Variants in CALD1 observed in about 807,000 individuals in gnomAD.
CALD1 encodes the protein caldesmon 1.
Under a neutral mutation model 99.9 loss-of-function variants are expected in CALD1, and 33 were observed. The ratio of observed to expected loss-of-function variants is 0.33; its 90% CI spans 0.25 to 0.44. The LOEUF is 0.44. CALD1 is among the 20% of genes least tolerant of loss of function. CALD1 has a pLI of 1.00. For missense variants in CALD1, 861 were observed against 962.1 expected (o/e 0.89, Z 1.39); for synonymous variants, 310 against 325.0 (o/e 0.95, Z 0.50).
At chr7:134,794,292 C>G (rs546722025) in intron 1 of CALD1, among the ~76,000 whole-genome samples, 4 of 152,136 alleles carry the variant, frequency 2.6e-5, no homozygotes, top group East Asian at 1.9e-4. Flanking sequence ...TAGGCTCGCA[C>G]GGGATGCATT....
At position 134,935,689 on chromosome 7, in the gene CALD1, G is replaced by A. The variant is rs1250962957; in HGVS notation, c.1310G>A (p.Gly437Glu). Residue 437 changes from glycine to glutamate, a missense_variant and splice_region_variant, in exon 6 of 15, where the codon GGA (glycine) becomes GAA (glutamate). By Grantham distance (98) the Gly-to-Glu change is moderately conservative. This residue lies in a region of CALD1 where 293 missense variants were observed against 262.7 expected (regional missense o/e 1.12). Coordinates refer to ENST00000361675, the MANE Select transcript of CALD1 (RefSeq NM_033138.4). ...CTTACCATTCTTGAAAATAAAAAGG[G>A]AGAAGAGAAGGGAACTAAAGTGCAA... is the stretch of plus-strand genomic sequence containing the variant. ...KLQTAVLKKQ[G>E]EEKGTKVQAK... 15 of 1,604,108 alleles carry A rather than the reference G, an allele frequency of 9.4e-6. No individual in the cohort carries two copies. Among genetic ancestry groups the A allele is most frequent in the Non-Finnish European group, 1.3e-5 (15 of 1,175,832 alleles).
chr7:134,957,600 T>C lies in CALD1; in HGVS notation c.1936-469T>C, dbSNP rs181266913. 2.2e-3 allele frequency among the ~76,000 whole-genome samples: 338 copies of C among 152,228 alleles called. 7 individuals carry two copies. Among genetic ancestry groups the C allele is most frequent in the Admixed American group, 0.021 (316 of 15,296 alleles). Reference sequence around the variant, plus strand: ...ACACCCAGCTACTTTTTGTATTTTTTAGTAGAGATAGGGTTTCACCATGTT... The same window carrying C: ...ACACCCAGCTACTTTTTGTATTTTTCAGTAGAGATAGGGTTTCACCATGTT... On this transcript the variant is annotated intron_variant, in intron 9 of 14. Transcript: ENST00000361675.
intron 6 of CALD1, among the ~76,000 whole-genome samples, chr7:134,938,397 T>G (rs560066387): frequency 1.3e-5 from 2 of 152,160 alleles, no homozygotes; most frequent in African/African-American, 4.8e-5. Context: ...CATGTATTAT[T>G]CCACTGGATA....
At position 134,947,520 on chromosome 7, in the gene CALD1, G is replaced by A; in HGVS notation, c.1545G>A (p.Gly515=). ...CCCCCAACCACAGCCGCCCTGGAGG[G>A]AGGGCCAGCGTGGACACCAAGGAGG... is the stretch of plus-strand genomic sequence containing the variant. The part of the protein sequence containing the change: ...HTENTFSRPG[G]RASVDTKEAE... The change falls in exon 8 of 15, where the codon GGG becomes GGA. Residue 515 remains glycine, a synonymous_variant. Transcript: ENST00000361675. 1 of 1,568,636 alleles carries A rather than the reference G, an allele frequency of 6.4e-7. No homozygotes were observed. Among genetic ancestry groups the A allele is most frequent in the Non-Finnish European group, 8.6e-7 (1 of 1,156,502 alleles).
At chr7:134,793,897 TTC>T (rs1046771024) in intron 1 of CALD1, among the ~76,000 whole-genome samples, 1 of 152,166 alleles carries the variant, frequency 6.6e-6, no homozygotes, top group African/African-American at 2.4e-5. Context: ...GTTCTTGTAT[TTC>T]TGTCTTCTTT....
intron 1 of CALD1, among the ~76,000 whole-genome samples, chr7:134,808,942 AG>A (rs1798253102): frequency 6.6e-6 from 1 of 152,224 alleles, no homozygotes; most frequent in Non-Finnish European, 1.5e-5. Flanking sequence ...TTAGGTGATG[AG>A]GGGCTCATTG....
At chr7:134,944,794 C>T (rs1806730541) in intron 7 of CALD1, among the ~76,000 whole-genome samples, 1 of 152,160 alleles carries the variant, frequency 6.6e-6, no homozygotes, top group Non-Finnish European at 1.5e-5. Flanking sequence ...TTAAAGACTA[C>T]TTATAACAAG....
chr7:134,966,156 C>T (rs1374370449), intron 14 of CALD1, among the ~76,000 whole-genome samples: 1 of 152,134 alleles, frequency 6.6e-6, no homozygotes, highest in Non-Finnish European at 1.5e-5. Context: ...GAACAGGCTG[C>T]TTATGGGTTG....
intron 13 of CALD1, among the ~76,000 whole-genome samples, chr7:134,963,368 G>A (rs777634405): frequency 1.3e-5 from 2 of 152,172 alleles, no homozygotes; most frequent in South Asian, 2.1e-4. Flanking sequence ...CAGAAACTCA[G>A]TAAAGTTTAG....
At chr7:134,713,599 A>T in the CALD1 span, among the ~76,000 whole-genome samples, 1 of 152,222 alleles carries the variant, frequency 6.6e-6, no homozygotes, top group Non-Finnish European at 1.5e-5. Context: ...TATGGAAAAC[A>T]TGACATAATA....
At chr7:134,757,480 A>C (rs1266796534) in intron 1 of CALD1, among the ~76,000 whole-genome samples, 1 of 152,206 alleles carries the variant, frequency 6.6e-6, no homozygotes, top group Non-Finnish European at 1.5e-5. Flanking sequence ...CACAGACTGC[A>C]AACGTTACTC....
chr7:134,735,458 T>C, the CALD1 span, among the ~76,000 whole-genome samples: 1 of 152,176 alleles, frequency 6.6e-6, no homozygotes, highest in Non-Finnish European at 1.5e-5. Context: ...CATATATGCG[T>C]ACAATCTGGT....
chr7:134,735,773 G>T, the CALD1 span, among the ~76,000 whole-genome samples: 4 of 152,140 alleles, frequency 2.6e-5, no homozygotes, highest in Non-Finnish European at 5.9e-5. Flanking sequence ...CTAAAATGTT[G>T]TGGCTACCTG....
chr7:134,758,589 G>T (rs1796750873), intron 1 of CALD1, among the ~76,000 whole-genome samples: 2 of 151,876 alleles, frequency 1.3e-5, no homozygotes, highest in South Asian at 4.1e-4. Flanking sequence ...CCATTAGACA[G>T]ATGGGAATGG....
At chr7:134,786,281 A>G (rs1406639225) in intron 1 of CALD1, among the ~76,000 whole-genome samples, 1 of 152,222 alleles carries the variant, frequency 6.6e-6, no homozygotes, top group Admixed American at 6.5e-5. Context: ...TTCTAATTCT[A>G]TACATACATT....
chr7:134,751,095 G>A (rs567917167), intron 1 of CALD1, among the ~76,000 whole-genome samples: 1 of 152,190 alleles, frequency 6.6e-6, no homozygotes, highest in East Asian at 1.9e-4. Context: ...GTGACCTCTG[G>A]ACTAGATTGC....
At chr7:134,799,943 A>C (rs190370958) in intron 1 of CALD1, among the ~76,000 whole-genome samples, 2 of 152,328 alleles carry the variant, frequency 1.3e-5, no homozygotes, top group Non-Finnish European at 2.9e-5. Flanking sequence ...GGCCAAGAGG[A>C]TGAAAATGAG....
At chr7:134,795,379 G>A (rs781207427) in intron 1 of CALD1, among the ~76,000 whole-genome samples, 4 of 151,996 alleles carry the variant, frequency 2.6e-5, no homozygotes, top group African/African-American at 7.3e-5. Context: ...CTTGCCTGCC[G>A]CCATGTAAGA....
intron 11 of CALD1, among the ~76,000 whole-genome samples, chr7:134,958,893 A>ATATTTAAC (rs1554479153): frequency 2.8e-5 from 4 of 142,174 alleles, no homozygotes; most frequent in African/African-American, 1.1e-4. Context: ...ATATATATAT[A>ATATTTAAC]TATATATATA....
Sources: gnomAD v4.1 joint callset for allele counts (sites outside exome capture counted in the v4.1 genomes callset) on GRCh38, gnomAD v4.1.1 for gene constraint, gnomAD v4.1.1 regional missense constraint, MANE v1.5 for transcripts, NCBI Gene and HGNC (gene_info 2026-07-23, HGNC 2026-07-21) for gene names.